ARHGAP27: variants seen among roughly 807,000 people sequenced by gnomAD.
ARHGAP27 encodes Rho GTPase activating protein 27.
Under a neutral mutation model 102.0 loss-of-function variants are expected in ARHGAP27, and 53 were observed. That is an observed-to-expected ratio of 0.52 (90% CI 0.42 to 0.65). The LOEUF is 0.65. Ranked by LOEUF, ARHGAP27 falls within the 30% of genes least tolerant of loss-of-function variation. The pLI is 0.00. For missense variants in ARHGAP27, 1,117 were observed against 1,256.2 expected (o/e 0.89, Z 1.68); for synonymous variants, 525 against 542.8 (o/e 0.97, Z 0.46).
At chr17:45,409,872 C>G in intron 4 of ARHGAP27, 1 of 236,718 alleles carries the variant, frequency 4.2e-6, no homozygotes, top group Non-Finnish European at 8.2e-6. Context: ...ACTACGGGAT[C>G]AATGGCTCTT....
Position 45,396,972 on chromosome 17 carries a change from G to C in ARHGAP27, c.1895C>G (p.Ser632Trp), listed in dbSNP as rs780110494. The C allele has an allele frequency of 1.2e-6, 2 of 1,605,452 alleles. No individual in the cohort carries two copies. Among genetic ancestry groups the C allele is most frequent in the South Asian group, 1.1e-5 (1 of 91,088 alleles). ...ESESSRVDFG[S>W]SERLGSWQEK... is the part of the protein sequence containing the mutation. ...CTGCCAGCTTCCCAAGCGCTCGCTC[G>C]ACCCGAAGTCCACTCTGCTGCTCTC... Residue 632 changes from serine (S) to tryptophan (W), a missense_variant, in exon 14 of 20, where the codon TCG becomes TGG. By Grantham distance (177) the Ser-to-Trp change is radical (BLOSUM62 -3). Transcript: ENST00000685559.
At chr17:45,410,166 A>G (rs1357556674) in intron 4 of ARHGAP27, 3 of 1,511,642 alleles carry the variant, frequency 2.0e-6, no homozygotes, top group African/African-American at 1.4e-5. Context: ...GCCCCAGCTC[A>G]CCCAGCTCCT....
At chr17:45,424,142 AGG>A (rs1055748911) in intron 4 of ARHGAP27, among the ~76,000 whole-genome samples, 2 of 152,096 alleles carry the variant, frequency 1.3e-5, no homozygotes, top group African/African-American at 4.8e-5. Context: ...CAGCCAGGAG[AGG>A]GCAAGGAGGC....
chr17:45,416,268 A>G (rs2048444084), intron 4 of ARHGAP27, among the ~76,000 whole-genome samples: 1 of 150,404 alleles, frequency 6.6e-6, no homozygotes, highest in Non-Finnish European at 1.5e-5. Flanking sequence ...GTTAGCCAGG[A>G]TGGTCTCAAT....
intron 14 of ARHGAP27, 31 bp from the exon 15 acceptor site, chr17:45,396,821 G>C: frequency 1.2e-6 from 2 of 1,607,946 alleles, no homozygotes. Context: ...ACTGAGTCAG[G>C]AGGCAGCGCC....
At chr17:45,416,524 A>G (rs1301066331) in intron 4 of ARHGAP27, among the ~76,000 whole-genome samples, 1 of 149,876 alleles carries the variant, frequency 6.7e-6, no homozygotes, top group Admixed American at 6.7e-5. Flanking sequence ...CTATTGTTAA[A>G]TCTAGGCAAT....
At position 45,395,405 on chromosome 17, in the gene ARHGAP27, C is replaced by G; in HGVS notation, c.*51G>C. Reference sequence around the variant, plus strand: ...AGGCCCGGCTGCGTGGCCTCCGCCGCCCAGCTTGTGTGGCAGGACCGCGGC... The same window carrying G: ...AGGCCCGGCTGCGTGGCCTCCGCCGGCCAGCTTGTGTGGCAGGACCGCGGC... On this transcript the variant is annotated 3_prime_UTR_variant, in exon 20 of 20. Coordinates refer to ENST00000685559, the MANE Select transcript of ARHGAP27 (RefSeq NM_001282290.2). 6.6e-7 allele frequency: 1 copy of G among 1,519,318 alleles called. No individual in the cohort carries two copies. The highest frequency in any genetic ancestry group is 8.9e-7 in the Non-Finnish European group (1 of 1,129,350). 94.1% of individuals were successfully genotyped at this position (1,519,318 alleles called of 1,614,324 possible). A position where few individuals can be genotyped will look rare whatever the true frequency, so the allele number is the denominator to read the frequency against.
At position 45,403,722 on chromosome 17, in the gene ARHGAP27, G is replaced by A. The variant is rs773113531; in HGVS notation, c.1548-13C>T. ...CCAGTGCTTCTTCCTAGGTGGGGGTGGGGAAGTGGGGGTGGCAGGACTTAG... is the reference window on the plus strand; with the variant it reads ...CCAGTGCTTCTTCCTAGGTGGGGGTAGGGAAGTGGGGGTGGCAGGACTTAG... On this transcript the variant is annotated splice_polypyrimidine_tract_variant and intron_variant, in intron 10 of 19. Coordinates refer to ENST00000685559, the MANE Select transcript of ARHGAP27 (RefSeq NM_001282290.2). 5 of 1,603,894 alleles carry A rather than the reference G, an allele frequency of 3.1e-6. No individual in the cohort carries two copies. The highest frequency in any genetic ancestry group is 4.3e-6 in the Non-Finnish European group (5 of 1,173,894).
In ARHGAP27 at chr17:45,427,035, G is replaced by A. The variant is rs767310346; in HGVS notation, c.657+2588C>T. On this transcript the variant is annotated intron_variant, in intron 4 of 19. Coordinates refer to ENST00000685559, the MANE Select transcript of ARHGAP27 (RefSeq NM_001282290.2). This position sits in a 1 kb window ranked among gnomAD's most constrained non-coding sequence, Gnocchi z 4.5. ...CTGCTCCTCCCCAAGTCATCCCCCC[G>A]TCAGGAAGCAGCACCACTGTCTGCC... Among the ~76,000 whole-genome samples the A allele has an allele frequency of 6.6e-5, 10 of 151,776 alleles. No homozygotes were observed. Among genetic ancestry groups the A allele is most frequent in the Admixed American group, 1.3e-4 (2 of 15,230 alleles).
chr17:45,395,506 C>A lies in ARHGAP27; in HGVS notation c.2620G>T (p.Val874Leu), dbSNP rs754698444. ...MPMTMVFQNQ[V>L]VELILQQCAD... ...CACTGCTGCAGGATGAGCTCCACCA[C>A]CTGGTTCTGGAACACCATGGTCATG... is the stretch of plus-strand genomic sequence containing the variant. The change falls in exon 20 of 20, where the codon GTG (valine) becomes TTG (leucine). Residue 874 changes from valine to leucine, a missense_variant. By Grantham distance (32) the Val-to-Leu change is conservative. Around this residue, in one of 3 missense-constraint regions of ARHGAP27, gnomAD observed 493 missense variants for 505.5 expected, o/e 0.98. Transcript: ENST00000685559. 2 of 1,594,226 alleles carry A rather than the reference C, an allele frequency of 1.3e-6. No homozygotes were observed. The highest frequency in any genetic ancestry group is 2.7e-5 in the African/African-American group (2 of 74,630).
In ARHGAP27 at chr17:45,405,991, C is replaced by T. The variant is rs1040855472; in HGVS notation, c.750G>A (p.Pro250=). ...CCGCGTCCGTGTGCGTCTCCCACACCGGGCTGGGAAGGGGGGCTGCAGCGG... is the reference window on the plus strand; with the variant it reads ...CCGCGTCCGTGTGCGTCTCCCACACTGGGCTGGGAAGGGGGGCTGCAGCGG... ...PGAAAAPLPS[P]VWETHTDAGT... is the part of the protein sequence containing the mutation. The change falls in exon 5 of 20, where the codon CCG becomes CCA. Residue 250 remains proline (P), a synonymous_variant. Transcript: ENST00000685559. 6.5e-7 allele frequency: 1 copy of T among 1,535,670 alleles called. No homozygotes were observed. Among genetic ancestry groups the T allele is most frequent in the Non-Finnish European group, 8.7e-7 (1 of 1,146,686 alleles).
chr17:45,425,018 G>A (rs981689109), intron 4 of ARHGAP27, among the ~76,000 whole-genome samples: 2 of 151,602 alleles, frequency 1.3e-5, no homozygotes, highest in Admixed American at 6.6e-5. Flanking sequence ...CAGGGGGTGC[G>A]GGGGGTGGGC....
In ARHGAP27 at chr17:45,396,545, G is replaced by T. The variant is rs763089890; in HGVS notation, c.2115C>A (p.Arg705=). The change falls in exon 16 of 20, where the codon CGC becomes CGA. Residue 705 remains arginine (R), a synonymous_variant. Coordinates refer to ENST00000685559, the MANE Select transcript of ARHGAP27 (RefSeq NM_001282290.2). ...CGAAGCGTGGCACCCGGCTCCTCTC[G>T]CGCTCACACAGCGCGGCCAGCGCGC... is the stretch of plus-strand genomic sequence containing the variant. ...FGCALAALCE[R]ERSRVPRFVQ... 1.3e-6 allele frequency: 2 copies of T among 1,593,934 alleles called. No homozygotes were observed. Among genetic ancestry groups the T allele is most frequent in the African/African-American group, 1.3e-5 (1 of 74,656 alleles).
chr17:45,417,827 G>A (rs923797545), intron 4 of ARHGAP27, among the ~76,000 whole-genome samples: 1 of 151,940 alleles, frequency 6.6e-6, no homozygotes, highest in Non-Finnish European at 1.5e-5. Flanking sequence ...GCGGAGGCGG[G>A]TGGATCACAA....
Position 45,396,747 on chromosome 17 carries a change from G to A in ARHGAP27, c.1995C>T (p.Ser665=), listed in dbSNP as rs2045766915. Residue 665 remains serine, a synonymous_variant, in exon 15 of 20, where the codon AGC becomes AGT. Transcript: ENST00000685559. The part of the protein sequence containing the change: ...LGPVGLESDL[S]KVRHKLRKFL... Reference sequence around the variant, plus strand: ...ACTTGCGGAGCTTGTGCCGGACCTTGCTCAAGTCGCTCTCCAGGCCCACGG... The same window carrying A: ...ACTTGCGGAGCTTGTGCCGGACCTTACTCAAGTCGCTCTCCAGGCCCACGG... 1 of 1,613,604 alleles carries A rather than the reference G, an allele frequency of 6.2e-7. No homozygotes were observed.
chr17:45,407,293 C>A (rs969559868), intron 4 of ARHGAP27, among the ~76,000 whole-genome samples: 1 of 152,022 alleles, frequency 6.6e-6, no homozygotes, highest in African/African-American at 2.4e-5. Context: ...CCATCTCCAC[C>A]CCTTTTTTTG....
In ARHGAP27 at chr17:45,427,552, G is replaced by C. The variant is rs1457793804; in HGVS notation, c.657+2071C>G. 3.3e-5 allele frequency among the ~76,000 whole-genome samples: 5 copies of C among 152,244 alleles called. No individual in the cohort carries two copies. The highest frequency in any genetic ancestry group is 4.8e-5 in the African/African-American group (2 of 41,462). ...CTCTGCCTGGGACAACTAAGAGCAG[G>C]GATGGGGTTCCCTTGCGGGGGCAGG... On this transcript the variant is annotated intron_variant, in intron 4 of 19. Transcript: ENST00000685559. This position sits in a 1 kb window ranked among gnomAD's most constrained non-coding sequence, Gnocchi z 4.5.
intron 3 of ARHGAP27, 98 bp downstream of exon 3, chr17:45,431,523 G>C (rs915022963): frequency 6.2e-5 from 12 of 194,886 alleles, no homozygotes; most frequent in Non-Finnish European, 1.3e-4. Context: ...GCTGGGCCCC[G>C]GAGGCGGGGT....
Position 45,429,425 on chromosome 17 carries a change from G to A in ARHGAP27, c.657+198C>T, listed in dbSNP as rs1171553137. On this transcript the variant is annotated intron_variant, in intron 4 of 19. Coordinates refer to ENST00000685559, the MANE Select transcript of ARHGAP27 (RefSeq NM_001282290.2). Reference sequence around the variant, plus strand: ...GGCTTCCAGGGAGCTTTGGAGCTTGGGAATTGCTGATGAGGGACTGCGGGC... The same window carrying A: ...GGCTTCCAGGGAGCTTTGGAGCTTGAGAATTGCTGATGAGGGACTGCGGGC... 5 of 1,401,360 alleles carry A rather than the reference G, an allele frequency of 3.6e-6. No individual in the cohort carries two copies. The African/African-American group carries it at 7.6e-5, about 21-fold the overall frequency. 86.8% of individuals were successfully genotyped at this position (1,401,360 alleles called of 1,614,324 possible).
Sources: allele counts gnomAD v4.1 joint callset (sites outside exome capture counted in the v4.1 genomes callset), GRCh38; gene constraint gnomAD v4.1.1; regional missense constraint gnomAD v4.1.1; non-coding constraint Gnocchi (gnomAD v3.1); transcripts MANE v1.5; gene names NCBI Gene and HGNC (gene_info 2026-07-23, HGNC 2026-07-21).